Variants in PPP1R21 observed in about 807,000 individuals in gnomAD.
The protein encoded by PPP1R21 is protein phosphatase 1 regulatory subunit 21, also known as KLRAQ motif containing 1.
Under a neutral mutation model 112.8 loss-of-function variants are expected in PPP1R21, and 85 were observed. The observed-to-expected ratio is 0.75, with a 90% CI of 0.63 to 0.90. The LOEUF is 0.90. Among genes scored for constraint, PPP1R21 ranks in the 40% least tolerant of loss-of-function variants. PPP1R21 has a pLI of 0.00. For synonymous variants in PPP1R21, 381 were observed against 322.3 expected, an observed-to-expected ratio of 1.18 and a Z score of -1.95; for missense variants, 1,199 against 901.5, an observed-to-expected ratio of 1.33 and a Z score of -4.23.
intron 1 of PPP1R21, chr2:48,441,448 T>G (rs1667027933): frequency 4.3e-6 from 1 of 233,512 alleles, no homozygotes; most frequent in South Asian, 5.2e-5. Context: ...GAGATTTATC[T>G]TCCCCCGAAT....
intron 15 of PPP1R21, among the ~76,000 whole-genome samples, chr2:48,491,672 A>C (rs1669570807): frequency 6.6e-6 from 1 of 152,194 alleles, no homozygotes; most frequent in African/African-American, 2.4e-5. Flanking sequence ...TATCCAAAAA[A>C]TGTTATTATA....
intron 3 of PPP1R21, 22 bp from the exon 4 acceptor site, chr2:48,458,104 C>T (rs1411829130): frequency 1.3e-6 from 2 of 1,499,058 alleles, no homozygotes; most frequent in East Asian, 2.3e-5. Context: ...GTTATGTGGA[C>T]ATAACTTATT....
At chr2:48,464,834 T>G in intron 7 of PPP1R21, 103 bp from the exon 8 acceptor site, 1 of 753,894 alleles carries the variant, frequency 1.3e-6, no homozygotes, top group Non-Finnish European at 2.2e-6. Flanking sequence ...TAAATTCTTA[T>G]GTAAAGTTGA....
At chr2:48,463,349 G>A (rs1668060315) in intron 7 of PPP1R21, among the ~76,000 whole-genome samples, 1 of 152,162 alleles carries the variant, frequency 6.6e-6, no homozygotes, top group African/African-American at 2.4e-5. Flanking sequence ...CATTGCTGTG[G>A]AGAGGTCAGA....
rs6725724 is a variant in PPP1R21, at chr2:48,497,615, A to G, written c.1693-878A>G. Among the ~76,000 whole-genome samples the G allele has an allele frequency of 3.8e-3, 584 of 152,094 alleles. 3 individuals are homozygous for G. The highest frequency in any genetic ancestry group is 0.013 in the African/African-American group (551 of 41,494). ...GATATTAGTTTTAAATAAATGGCAAAACTACAAAATTACTTTTGCACCAAC... is the reference window on the plus strand; with the variant it reads ...GATATTAGTTTTAAATAAATGGCAAGACTACAAAATTACTTTTGCACCAAC... On this transcript the variant is annotated intron_variant, in intron 16 of 21. Transcript: ENST00000294952.
intron 1 of PPP1R21, among the ~76,000 whole-genome samples, chr2:48,445,829 G>T (rs1455672019): frequency 6.6e-6 from 1 of 152,194 alleles, no homozygotes; most frequent in Non-Finnish European, 1.5e-5. Flanking sequence ...CTTTATCCCT[G>T]TCCTGGGATA....
intron 11 of PPP1R21, 29 bp from the exon 12 acceptor site, chr2:48,474,654 T>C: frequency 6.3e-7 from 1 of 1,590,218 alleles, no homozygotes; most frequent in South Asian, 1.1e-5. Context: ...TTTGGGATGC[T>C]CACTTCTTAA....
At chr2:48,460,025 G>T in intron 5 of PPP1R21, 70 bp from the exon 6 acceptor site, 1 of 1,597,200 alleles carries the variant, frequency 6.3e-7, no homozygotes, top group Non-Finnish European at 8.6e-7. Flanking sequence ...TTGCCTGCAG[G>T]GTCTTACTAA....
chr2:48,460,912 T>C (rs1667948247), intron 6 of PPP1R21, among the ~76,000 whole-genome samples: 1 of 152,234 alleles, frequency 6.6e-6, no homozygotes, highest in Non-Finnish European at 1.5e-5. Context: ...CGTACCATGA[T>C]AAATTCCTCC....
At chr2:48,443,908 C>T (rs1176896300) in intron 1 of PPP1R21, among the ~76,000 whole-genome samples, 1 of 152,056 alleles carries the variant, frequency 6.6e-6, no homozygotes, top group South Asian at 2.1e-4. Flanking sequence ...AGAAGGAAGC[C>T]CATCAAGAAA....
chr2:48,491,070 A>G lies in PPP1R21; in HGVS notation c.1499A>G (p.Tyr500Cys), dbSNP rs149438258. The change falls in exon 15 of 22, where the codon TAT (tyrosine) becomes TGT (cysteine). Residue 500 changes from tyrosine (Y) to cysteine (C), a missense_variant. Transcript: ENST00000294952. Reference sequence around the variant, plus strand: ...GACTACTTCATTGCTTCACTGAGCTATGGACCTAAGGCAGCGAGTGGATTC... The same window carrying G: ...GACTACTTCATTGCTTCACTGAGCTGTGGACCTAAGGCAGCGAGTGGATTC... ...NLDYFIASLS[Y>C]GPKAASGFIS... 1,069 of 1,614,084 alleles carry G rather than the reference A, an allele frequency of 6.6e-4. 1 individual carries two copies. The highest frequency in any genetic ancestry group is 6.3e-3 in the African/African-American group (472 of 75,056).
At chr2:48,460,304 C>T (rs1247227264) in intron 6 of PPP1R21, 151 bp downstream of exon 6, 24 of 734,696 alleles carry the variant, frequency 3.3e-5, no homozygotes, top group Middle Eastern at 2.5e-4. Flanking sequence ...CTGGGATCTC[C>T]GGGGCCCTAA....
chr2:48,484,820 T>G (rs1367876699), intron 13 of PPP1R21, among the ~76,000 whole-genome samples: 1 of 152,162 alleles, frequency 6.6e-6, no homozygotes, highest in Admixed American at 6.5e-5. Flanking sequence ...CTGCCAAGAG[T>G]AAACATTTTG....
At chr2:48,504,505 G>T (rs1670281117) in intron 17 of PPP1R21, among the ~76,000 whole-genome samples, 1 of 152,152 alleles carries the variant, frequency 6.6e-6, no homozygotes, top group Non-Finnish European at 1.5e-5. Flanking sequence ...GCTGGGCGTG[G>T]TGGCGTGCAC....
chr2:48,494,405 A>G lies in PPP1R21; in HGVS notation c.1600-1274A>G, dbSNP rs567915843. Reference sequence around the variant, plus strand: ...GGGCAAGTCATCTAACATAAAGCCTATTTTATTTTATTTATTTATTTATTT... The same window carrying G: ...GGGCAAGTCATCTAACATAAAGCCTGTTTTATTTTATTTATTTATTTATTT... On this transcript the variant is annotated intron_variant, in intron 15 of 21. Coordinates refer to ENST00000294952, the MANE Select transcript of PPP1R21 (RefSeq NM_001135629.3). Among the ~76,000 whole-genome samples, 756 of 124,200 alleles carry G rather than the reference A, an allele frequency of 6.1e-3. 4 individuals carry two copies. The highest frequency in any genetic ancestry group is 7.8e-3 in the Non-Finnish European group (466 of 59,582). The allele number at this position is 124,200 out of a possible 152,430, so 81.5% of individuals were successfully genotyped here.
chr2:48,452,301 T>G (rs932315652), intron 2 of PPP1R21, among the ~76,000 whole-genome samples: 14 of 152,160 alleles, frequency 9.2e-5, no homozygotes, highest in Non-Finnish European at 1.9e-4. Flanking sequence ...TTCTATTGAT[T>G]GAGCACTCAC....
At chr2:48,485,544 C>T (rs1197369621) in intron 13 of PPP1R21, among the ~76,000 whole-genome samples, 1 of 151,886 alleles carries the variant, frequency 6.6e-6, no homozygotes, top group Admixed American at 6.6e-5. Flanking sequence ...CTAAAACTAT[C>T]CTAAATCAAA....
chr2:48,453,551 AGTT>A (rs1667577172), intron 2 of PPP1R21, among the ~76,000 whole-genome samples: 1 of 152,212 alleles, frequency 6.6e-6, no homozygotes, highest in Admixed American at 6.5e-5. Flanking sequence ...GTGAATAAAA[AGTT>A]GTCAGAACAT....
intron 9 of PPP1R21, 73 bp from the exon 10 acceptor site, chr2:48,471,014 G>A: frequency 2.0e-6 from 2 of 1,007,030 alleles, no homozygotes; most frequent in South Asian, 1.4e-5. Context: ...TAATTTGGTG[G>A]GTCCATTTAG....
Sources: allele counts gnomAD v4.1 joint callset (sites outside exome capture counted in the v4.1 genomes callset), GRCh38; gene constraint gnomAD v4.1.1; transcripts MANE v1.5; gene names NCBI Gene and HGNC (gene_info 2026-07-23, HGNC 2026-07-21).